Variants in UBXN8 observed in about 807,000 individuals in gnomAD.
UBXN8 encodes the protein UBX domain protein 8, also known as UBX domain-containing protein 8.
Under a neutral mutation model 32.1 loss-of-function variants are expected in UBXN8, and 27 were observed. The observed-to-expected ratio is 0.84, with a 90% CI of 0.62 to 1.16. UBXN8 has a LOEUF of 1.16. Among genes scored for constraint, UBXN8 ranks in the 50% most tolerant of loss-of-function variants. UBXN8 has a pLI of 0.00. For synonymous variants in UBXN8, 109 were observed against 111.8 expected, an observed-to-expected ratio of 0.98 and a Z score of 0.16; for missense variants, 306 against 311.4, an observed-to-expected ratio of 0.98 and a Z score of 0.13.
At position 30,763,356 on chromosome 8, in the gene UBXN8, A is replaced by G. The variant is rs1047993677; in HGVS notation, c.645+9A>G. 6 of 1,612,478 alleles carry G rather than the reference A, an allele frequency of 3.7e-6. No individual in the cohort carries two copies. The Admixed American group carries it at 1.0e-4, about 27-fold the overall frequency. On this transcript the variant is annotated intron_variant, in intron 7 of 7. Coordinates refer to ENST00000265616, the MANE Select transcript of UBXN8 (RefSeq NM_005671.4). ...AGTCCTACAGCTCACAGGTAAGTGA[A>G]GGAATTCACATTTTGAGAAATATCT...
chr8:30,758,893 TG>T (rs527843679), intron 5 of UBXN8, among the ~76,000 whole-genome samples: 2,749 of 131,434 alleles, frequency 0.021, 271 homozygotes, highest in South Asian at 0.065. Flanking sequence ...TTGTTTTTTT[TG>T]TTTTTTTTTT....
chr8:30,763,691 T>C (rs1305380791), intron 7 of UBXN8, among the ~76,000 whole-genome samples: 2 of 152,258 alleles, frequency 1.3e-5, no homozygotes, highest in Middle Eastern at 3.4e-3. Context: ...TTTTTTTTCT[T>C]TTAAAAACAA....
intron 4 of UBXN8, among the ~76,000 whole-genome samples, chr8:30,755,080 C>G (rs1366964296): frequency 6.6e-6 from 1 of 151,454 alleles, no homozygotes. Flanking sequence ...CTCAGCCTCC[C>G]GAGTAGCTGG....
At chr8:30,755,313 G>A (rs1400869801) in intron 4 of UBXN8, among the ~76,000 whole-genome samples, 2 of 152,080 alleles carry the variant, frequency 1.3e-5, no homozygotes, top group South Asian at 2.1e-4. Flanking sequence ...GCAGTGGCAC[G>A]ATCATAGCTC....
intron 1 of UBXN8, among the ~76,000 whole-genome samples, chr8:30,734,478 G>A (rs1460218325): frequency 6.6e-6 from 1 of 151,938 alleles, no homozygotes; most frequent in Non-Finnish European, 1.5e-5. Flanking sequence ...AAATTAGCTG[G>A]GTGTGGTGGG....
chr8:30,757,078 T>G (rs1218075741), intron 5 of UBXN8, among the ~76,000 whole-genome samples, 191 bp downstream of exon 5: 1 of 151,902 alleles, frequency 6.6e-6, no homozygotes, highest in African/African-American at 2.4e-5. Flanking sequence ...CCCAACACTT[T>G]GGGAGGCCGA....
chr8:30,729,198 C>A (rs899019267), upstream of UBXN8, among the ~76,000 whole-genome samples: 3 of 152,204 alleles, frequency 2.0e-5, no homozygotes, highest in Non-Finnish European at 4.4e-5. Context: ...GCTTGAGCGA[C>A]GCGGATCCTG....
At chr8:30,730,583 A>C (rs571353675), upstream of UBXN8, among the ~76,000 whole-genome samples, 1 of 152,286 alleles carries the variant, frequency 6.6e-6, no homozygotes, top group South Asian at 2.1e-4. Flanking sequence ...CAAATGAAAG[A>C]GAGGATATGC....
chr8:30,744,056 G>T (rs1156356014), upstream of UBXN8: 7 of 754,594 alleles, frequency 9.3e-6, no homozygotes, highest in Admixed American at 7.3e-5. Flanking sequence ...CCTCAATAAC[G>T]ACACGGCCGT....
At chr8:30,752,232 A>C (rs1276470313) in intron 2 of UBXN8, among the ~76,000 whole-genome samples, 1 of 152,126 alleles carries the variant, frequency 6.6e-6, no homozygotes, top group Admixed American at 6.6e-5. Context: ...CTAATGTTTT[A>C]TTCCATTCTA....
intron 1 of UBXN8, among the ~76,000 whole-genome samples, chr8:30,746,625 C>A (rs112498078): frequency 7.3e-6 from 1 of 136,680 alleles, no homozygotes; most frequent in Non-Finnish European, 1.6e-5. Context: ...TGGGTTCCAG[C>A]GATTCTCCTG....
chr8:30,744,170 C>T lies in UBXN8; in HGVS notation c.-20C>T, dbSNP rs1457496378. 5 of 1,608,708 alleles carry T rather than the reference C, an allele frequency of 3.1e-6. No individual in the cohort carries two copies. The highest frequency in any genetic ancestry group is 2.2e-5 in the South Asian group (2 of 90,044). On this transcript the variant is annotated 5_prime_UTR_variant, in exon 1 of 8. Coordinates refer to ENST00000265616, the MANE Select transcript of UBXN8 (RefSeq NM_005671.4). The stretch of plus-strand genomic sequence containing the variant: ...CCGGAAGGGGCGGGCTTTCCGCCTG[C>T]ACCAGGCGCTTCCGCCACCATGGCT...
Position 30,747,307 on chromosome 8 carries a change from G to GTTT in UBXN8, c.88+3049_88+3051dup, listed in dbSNP as rs59568820. Among the ~76,000 whole-genome samples the GTTT allele has an allele frequency of 8.5e-3, 693 of 81,534 alleles. 21 individuals carry two copies. Among genetic ancestry groups the GTTT allele is most frequent in the Middle Eastern group, 0.011 (1 of 88 alleles). 53.5% of individuals were successfully genotyped at this position (81,534 alleles called of 152,430 possible). A position where few individuals can be genotyped will look rare whatever the true frequency, so the allele number is the denominator to read the frequency against. ...AACATAAATCCCACACCTCAGTGGT[G>GTTT]TTTTTTTTTTTTTTTTTTTTTGAGA... On this transcript the variant is annotated intron_variant, in intron 1 of 7. Transcript: ENST00000265616.
intron 7 of UBXN8, 148 bp downstream of exon 7, chr8:30,763,495 C>T (rs1433914664): frequency 1.3e-6 from 1 of 759,818 alleles, no homozygotes; most frequent in Non-Finnish European, 2.1e-6. Flanking sequence ...CTCCACGTTG[C>T]AGAAATTTGG....
At chr8:30,737,143 T>G (rs759718466) in intron 1 of UBXN8, among the ~76,000 whole-genome samples, 69 of 152,334 alleles carry the variant, frequency 4.5e-4, no homozygotes, top group Non-Finnish European at 7.3e-4. Flanking sequence ...TGTTGACATA[T>G]TTAAAGTTGT....
upstream of UBXN8, among the ~76,000 whole-genome samples, chr8:30,739,934 C>G (rs1805160702): frequency 6.6e-6 from 1 of 152,184 alleles, no homozygotes; most frequent in South Asian, 2.1e-4. Flanking sequence ...CATGGTCTCT[C>G]TCTGTCGCCC....
At chr8:30,750,643 G>T (rs1449865290) in intron 1 of UBXN8, among the ~76,000 whole-genome samples, 2 of 151,830 alleles carry the variant, frequency 1.3e-5, no homozygotes, top group South Asian at 4.2e-4. Flanking sequence ...CGTGGTGGCA[G>T]GCACCTGTAG....
intron 3 of UBXN8, among the ~76,000 whole-genome samples, chr8:30,753,480 C>T (rs1805568306): frequency 6.6e-6 from 1 of 152,098 alleles, no homozygotes; most frequent in Admixed American, 6.6e-5. Flanking sequence ...TGGTCTTAAA[C>T]TCCTGACCTC....
At position 30,744,222 on chromosome 8, in the gene UBXN8, C is replaced by A; in HGVS notation, c.33C>A (p.Phe11Leu). The change falls in exon 1 of 8, where the codon TTC becomes TTA. Residue 11 changes from phenylalanine to leucine, a missense_variant. Transcript: ENST00000265616. MASRGVVGIF[F>L]LSAVPLVCLE... ...CACGTGGGGTTGTTGGCATTTTCTT[C>A]CTCTCTGCTGTCCCCCTTGTGTGTC... 3 of 1,613,838 alleles carry A rather than the reference C, an allele frequency of 1.9e-6. No individual in the cohort carries two copies. The highest frequency in any genetic ancestry group is 1.7e-5 in the Admixed American group (1 of 59,986).
Sources: gnomAD v4.1 joint callset for allele counts (sites outside exome capture counted in the v4.1 genomes callset) on GRCh38, gnomAD v4.1.1 for gene constraint, MANE v1.5 for transcripts, NCBI Gene and HGNC (gene_info 2026-07-23, HGNC 2026-07-21) for gene names.